The following CPNE4 variants were observed in gnomAD, a reference collection of about 807,000 sequenced individuals.
The protein encoded by CPNE4 is copine-4.
In CPNE4, 25 loss-of-function variants were observed where a neutral mutation model predicts 67.9. The observed-to-expected ratio is 0.37, with a 90% CI of 0.27 to 0.51. CPNE4 has a LOEUF of 0.51. Among genes scored for constraint, CPNE4 ranks in the 20% least tolerant of loss-of-function variants. CPNE4 has a pLI of 0.93. For synonymous variants in CPNE4, 242 were observed against 244.9 expected, an observed-to-expected ratio of 0.99 and a Z score of 0.11; for missense variants, 464 against 690.8, an observed-to-expected ratio of 0.67 and a Z score of 3.68.
intron 2 of CPNE4, among the ~76,000 whole-genome samples, chr3:131,769,751 G>T (rs1261643344): frequency 6.6e-6 from 1 of 152,122 alleles, no homozygotes; most frequent in Non-Finnish European, 1.5e-5. Flanking sequence ...GTTAGTGGAA[G>T]GAAAGAGCTT....
intron 2 of CPNE4, among the ~76,000 whole-genome samples, chr3:131,726,172 T>G (rs2081995119): frequency 6.6e-6 from 1 of 152,224 alleles, no homozygotes; most frequent in Non-Finnish European, 1.5e-5. Flanking sequence ...CTCTAGTCTT[T>G]GTTATTCTCC....
At chr3:131,914,786 G>A (rs2089121949) in intron 1 of CPNE4, among the ~76,000 whole-genome samples, 1 of 152,144 alleles carries the variant, frequency 6.6e-6, no homozygotes, top group African/African-American at 2.4e-5. Flanking sequence ...AGACCAGCCT[G>A]ACCAACATGG....
rs749873308 is a variant in CPNE4, at chr3:131,542,580, C to T, written c.1516G>A (p.Val506Met). 7.4e-6 allele frequency: 12 copies of T among 1,613,800 alleles called. No homozygotes were observed. The highest frequency in any genetic ancestry group is 1.1e-5 in the South Asian group (1 of 91,074). Residue 506 changes from valine (V) to methionine (M), a missense_variant, in exon 15 of 16, where the codon GTG becomes ATG. This residue lies in a region of CPNE4 where 201 missense variants were observed against 357.7 expected (regional missense o/e 0.56). Coordinates refer to ENST00000429747, the MANE Select transcript of CPNE4 (RefSeq NM_130808.3). ...ACGTGTTTGAAGTTCCTGAAGGGCA[C>T]GAACTGGACGATGTCTCGAAGAACA... ...EPVLRDIVQF[V>M]PFRNFKHASP...
chr3:131,755,349 T>A lies in CPNE4; in HGVS notation c.181-31724A>T, dbSNP rs149925493. Among the ~76,000 whole-genome samples the A allele has an allele frequency of 1.3e-3, 202 of 152,222 alleles. 1 individual carries two copies. Among genetic ancestry groups the A allele is most frequent in the African/African-American group, 4.5e-3 (189 of 41,540 alleles). ...ACCTCCATAGGGGAGGAGACAGTGG[T>A]TGCAACTACTATGAAAACAGCCATA... On this transcript the variant is annotated intron_variant, in intron 2 of 15. Transcript: ENST00000429747.
At chr3:131,572,997 TA>T (rs1212011011) in intron 10 of CPNE4, among the ~76,000 whole-genome samples, 1 of 152,142 alleles carries the variant, frequency 6.6e-6, no homozygotes, top group African/African-American at 2.4e-5. Flanking sequence ...TTACAGCTTA[TA>T]ATTTAAATTA....
At chr3:131,967,449 G>A (rs936999669) in intron 1 of CPNE4, among the ~76,000 whole-genome samples, 7 of 152,164 alleles carry the variant, frequency 4.6e-5, no homozygotes, top group Non-Finnish European at 8.8e-5. Context: ...GTTTGCAGAT[G>A]ACATGATTGT....
chr3:131,846,580 T>C (rs2086005756), intron 2 of CPNE4, among the ~76,000 whole-genome samples: 1 of 152,190 alleles, frequency 6.6e-6, no homozygotes, highest in African/African-American at 2.4e-5. Context: ...GGGTTTGAAC[T>C]GCTCAGGAAG....
intron 2 of CPNE4, among the ~76,000 whole-genome samples, chr3:131,855,398 A>C (rs1408267399): frequency 6.6e-6 from 1 of 152,014 alleles, no homozygotes; most frequent in Non-Finnish European, 1.5e-5. Context: ...AAGGGTGCCC[A>C]TCTACAGCTT....
chr3:131,975,656 C>A (rs1560714370), intron 1 of CPNE4, among the ~76,000 whole-genome samples: 3 of 152,126 alleles, frequency 2.0e-5, no homozygotes, highest in African/African-American at 4.8e-5. Context: ...AAAGGTGACC[C>A]TGAAAAGAAT....
At chr3:131,844,345 C>A (rs896666870) in intron 2 of CPNE4, among the ~76,000 whole-genome samples, 2 of 151,704 alleles carry the variant, frequency 1.3e-5, no homozygotes, top group African/African-American at 4.8e-5. Flanking sequence ...CAGCTCACTG[C>A]AACCTCTGCC....
chr3:131,656,434 T>G (rs538371360), intron 7 of CPNE4, among the ~76,000 whole-genome samples: 22 of 152,276 alleles, frequency 1.4e-4, no homozygotes, highest in African/African-American at 5.3e-4. Context: ...AAGAGGGGTA[T>G]TTTTCTAGGG....
chr3:131,738,988 G>A (rs922873532), intron 2 of CPNE4, among the ~76,000 whole-genome samples: 37 of 151,902 alleles, frequency 2.4e-4, no homozygotes, highest in African/African-American at 8.4e-4. Context: ...CCAAGAAGTT[G>A]GGATTACAGA....
intron 2 of CPNE4, among the ~76,000 whole-genome samples, chr3:131,799,346 C>G (rs569746044): frequency 2.6e-5 from 4 of 152,214 alleles, no homozygotes; most frequent in Admixed American, 2.6e-4. Context: ...AGACGTGGCA[C>G]CCAAGGAATT....
chr3:131,806,549 CAAAAAAAAA>C, intron 2 of CPNE4, among the ~76,000 whole-genome samples: 1 of 72,964 alleles, frequency 1.4e-5, no homozygotes, highest in Admixed American at 1.4e-4. Context: ...GACTCCGTCT[CAAAAAAAAA>C]AAAAAAAAAA....
rs1319506680 is a variant in CPNE4 at position 131,564,217 on chromosome 3, T to A, written c.1060A>T (p.Ser354Cys). 6.2e-7 allele frequency: 1 copy of A among 1,612,768 alleles called. No individual in the cohort carries two copies. Among genetic ancestry groups the A allele is most frequent in the East Asian group, 2.2e-5 (1 of 44,808 alleles). Reference sequence around the variant, plus strand: ...TCCAAATGTCCTGAAGCCTCTTACCTGTCATAGTCTTGGCAAATCTCCCCC... The same window carrying A: ...TCCAAATGTCCTGAAGCCTCTTACCAGTCATAGTCTTGGCAAATCTCCCCC... ...AVGEICQDYD[S>C]DKMFPAFGFG... The change falls in exon 11 of 16, where the codon AGT (serine) becomes TGT (cysteine). Residue 354 changes from serine (S) to cysteine (C), a missense_variant and splice_region_variant. Transcript: ENST00000429747.
At chr3:131,630,917 T>A (rs1279139063) in intron 7 of CPNE4, among the ~76,000 whole-genome samples, 2 of 152,302 alleles carry the variant, frequency 1.3e-5, no homozygotes, top group South Asian at 2.1e-4. Flanking sequence ...TAGGACAACA[T>A]CAGGGTACCC....
At chr3:131,844,291 C>T (rs1323065730) in intron 2 of CPNE4, among the ~76,000 whole-genome samples, 1 of 148,768 alleles carries the variant, frequency 6.7e-6, no homozygotes, top group Non-Finnish European at 1.5e-5. Flanking sequence ...GATGGAGTCT[C>T]GCTCCGTCAC....
intron 2 of CPNE4, among the ~76,000 whole-genome samples, chr3:131,770,107 C>T (rs2083128767): frequency 6.6e-6 from 1 of 152,116 alleles, no homozygotes; most frequent in Non-Finnish European, 1.5e-5. Context: ...TGTTTGTTTT[C>T]ACAGCACAAA....
chr3:131,767,868 C>G (rs374570023), intron 2 of CPNE4, among the ~76,000 whole-genome samples: 7 of 151,092 alleles, frequency 4.6e-5, no homozygotes, highest in African/African-American at 9.8e-5. Flanking sequence ...CCACACAGAG[C>G]CTACACCCTG....
Sources: gnomAD v4.1 joint callset for allele counts (sites outside exome capture counted in the v4.1 genomes callset) on GRCh38, gnomAD v4.1.1 for gene constraint, gnomAD v4.1.1 regional missense constraint, MANE v1.5 for transcripts, NCBI Gene and HGNC (gene_info 2026-07-23, HGNC 2026-07-21) for gene names.